The following RDH11 variants were observed in gnomAD, a reference collection of about 807,000 sequenced individuals.
RDH11 encodes the protein retinol dehydrogenase 11, also known as HCV core-binding protein HCBP12.
In RDH11, 19 loss-of-function variants were observed where a neutral mutation model predicts 33.4. That is an observed-to-expected ratio of 0.57 (90% CI 0.40 to 0.83). The LOEUF is 0.83. RDH11 is among the 40% of genes least tolerant of loss of function. The probability of loss-of-function intolerance (pLI) is 0.00; values close to 1 mark genes in which losing one functional copy is unlikely to be tolerated. For missense variants in RDH11, 353 were observed against 389.0 expected, an observed-to-expected ratio of 0.91 and a Z score of 0.78; for synonymous variants, 154 against 155.3, an observed-to-expected ratio of 0.99 and a Z score of 0.06.
intron 6 of RDH11, among the ~76,000 whole-genome samples, chr14:67,679,738 T>A (rs1382013574): frequency 6.6e-6 from 1 of 152,170 alleles, no homozygotes; most frequent in African/African-American, 2.4e-5. Context: ...ATAATTCCGA[T>A]GCAGAAAATT....
chr14:67,681,482 T>C (rs2037614725), intron 6 of RDH11, among the ~76,000 whole-genome samples: 1 of 152,144 alleles, frequency 6.6e-6, no homozygotes, highest in African/African-American at 2.4e-5. Flanking sequence ...CCTCATATCA[T>C]ATACAAAAAT....
At chr14:67,689,310 G>A (rs894139653) in intron 5 of RDH11, among the ~76,000 whole-genome samples, 3 of 152,208 alleles carry the variant, frequency 2.0e-5, no homozygotes, top group African/African-American at 7.2e-5. Flanking sequence ...CCTGCATTCT[G>A]CCTGCCTCAA....
At position 67,678,382 on chromosome 14, in the gene RDH11, T is replaced by C; in HGVS notation, c.896A>G (p.Glu299Gly). 6.2e-7 allele frequency: 1 copy of C among 1,614,062 alleles called. No homozygotes were observed. The highest frequency in any genetic ancestry group is 1.3e-5 in the African/African-American group (1 of 75,052). ...VAWVSAQARN[E>G]TIARRLWDVS... Reference sequence around the variant, plus strand: ...GTCCCACAGCCGCCTTGCTATAGTCTCATTACGAGCTTGGGCAGAGACCCA... The same window carrying C: ...GTCCCACAGCCGCCTTGCTATAGTCCCATTACGAGCTTGGGCAGAGACCCA... Residue 299 changes from glutamate (E) to glycine (G), a missense_variant, in exon 7 of 7, where the codon GAG becomes GGG. Coordinates refer to ENST00000381346, the MANE Select transcript of RDH11 (RefSeq NM_016026.4).
intron 6 of RDH11, among the ~76,000 whole-genome samples, chr14:67,680,624 A>T (rs1051907752): frequency 1.3e-5 from 2 of 152,044 alleles, no homozygotes; most frequent in Non-Finnish European, 2.9e-5. Context: ...ACGCCTGGCT[A>T]ATTTTTGCAT....
At position 67,691,147 on chromosome 14, in the gene RDH11, G is replaced by A; in HGVS notation, c.447C>T (p.Asn149=). The A allele has an allele frequency of 6.2e-7, 1 of 1,610,980 alleles. No individual in the cohort carries two copies. The highest frequency in any genetic ancestry group is 8.5e-7 in the Non-Finnish European group (1 of 1,177,170). Residue 149 remains asparagine, a synonymous_variant, in exon 4 of 7, where the codon AAC becomes AAT. Transcript: ENST00000381346. ...ADGFEMHIGV[N]HLGHFLLTHL... ...TAAGGCCAGATTTCTTACCCAAGTG[G>A]TTGACTCCTATGTGCATCTCAAAGC... is the stretch of plus-strand genomic sequence containing the variant.
At position 67,695,663 on chromosome 14, in the gene RDH11, G is replaced by C. The variant is rs1308094867; in HGVS notation, c.41C>G (p.Pro14Arg). 11 of 1,614,056 alleles carry C rather than the reference G, an allele frequency of 6.8e-6. No individual in the cohort carries two copies. Among genetic ancestry groups the C allele is most frequent in the Non-Finnish European group, 9.3e-6 (11 of 1,180,024 alleles). The change falls in exon 1 of 7, where the codon CCC becomes CGC. Residue 14 changes from proline (P) to arginine (R), a missense_variant. Coordinates refer to ENST00000381346, the MANE Select transcript of RDH11 (RefSeq NM_016026.4). ...LMFPLLLLLL[P>R]FLLYMAAPQI... Reference sequence around the variant, plus strand: ...GGGCGCAGCCATATACAGAAGGAAGGGCAGAAGGAGGAGCAACAGCGGGAA... The same window carrying C: ...GGGCGCAGCCATATACAGAAGGAAGCGCAGAAGGAGGAGCAACAGCGGGAA...
At chr14:67,682,845 T>A (rs1024453864) in intron 6 of RDH11, among the ~76,000 whole-genome samples, 1 of 152,348 alleles carries the variant, frequency 6.6e-6, no homozygotes, top group African/African-American at 2.4e-5. Context: ...CATCACCTGA[T>A]GAATGAATAA....
At chr14:67,684,410 A>G (rs980638325) in intron 6 of RDH11, 49 of 152,282 alleles carry the variant, frequency 3.2e-4, no homozygotes, top group African/African-American at 1.1e-3. Context: ...AGAATTGGCC[A>G]TGGGTTAATG....
chr14:67,685,181 C>T lies in RDH11; in HGVS notation c.688G>A (p.Val230Ile). Residue 230 changes from valine to isoleucine, a missense_variant, in exon 6 of 7, where the codon GTA (valine) becomes ATA (isoleucine). Val to Ile is a conservative substitution (Grantham distance 29, BLOSUM62 3). Coordinates refer to ENST00000381346, the MANE Select transcript of RDH11 (RefSeq NM_016026.4). ...LKGSGVTTYS[V>I]HPGTVQSELV... Reference sequence around the variant, plus strand: ...TCAGATTGGACTGTGCCAGGGTGTACAGAATACGTCGTAACGCCAGAGCCT... The same window carrying T: ...TCAGATTGGACTGTGCCAGGGTGTATAGAATACGTCGTAACGCCAGAGCCT... 3 of 1,613,340 alleles carry T rather than the reference C, an allele frequency of 1.9e-6. No homozygotes were observed. Among genetic ancestry groups the T allele is most frequent in the South Asian group, 2.2e-5 (2 of 90,922 alleles).
At chr14:67,680,616 G>A (rs983579468) in intron 6 of RDH11, among the ~76,000 whole-genome samples, 2 of 152,060 alleles carry the variant, frequency 1.3e-5, no homozygotes, top group South Asian at 2.1e-4. Context: ...ACGCCACCAC[G>A]CCTGGCTAAT....
chr14:67,692,777 T>C (rs1039662349), intron 2 of RDH11, 157 bp downstream of exon 2: 10 of 863,202 alleles, frequency 1.2e-5, no homozygotes, highest in Non-Finnish European at 1.8e-5. Context: ...GGGTCCATTA[T>C]ATGTAGAGCA....
rs1303574075 is a variant in RDH11, at chr14:67,676,982, AC to A, written c.*1338del. The A allele has an allele frequency of 6.6e-6, 1 of 152,248 alleles. No homozygotes were observed. The highest frequency in any genetic ancestry group is 1.5e-5 in the Non-Finnish European group (1 of 68,044). 9.4% of individuals were successfully genotyped at this position (152,248 alleles called of 1,614,324 possible). On this transcript the variant is annotated 3_prime_UTR_variant, in exon 7 of 7. Coordinates refer to ENST00000381346, the MANE Select transcript of RDH11 (RefSeq NM_016026.4). ...TTTTCCGTAAAATGACCATTTCTAA[AC>A]ATATAGCTTAATGGTCAAAACAAGT...
chr14:67,691,406 T>C, intron 3 of RDH11, 162 bp from the exon 4 acceptor site: 2 of 576,318 alleles, frequency 3.5e-6, no homozygotes, highest in Non-Finnish European at 6.2e-6. Context: ...TTTAAGACTT[T>C]AGTTGAATCC....
intron 5 of RDH11, chr14:67,686,093 A>G (rs10150303): frequency 0.97 from 147,609 of 152,218 alleles, 71,703 homozygotes; most frequent in East Asian, 1. Flanking sequence ...CATTTTGTCC[A>G]CAGTCCAAAC....
chr14:67,685,805 G>A (rs930196288), intron 5 of RDH11, among the ~76,000 whole-genome samples: 10 of 151,862 alleles, frequency 6.6e-5, no homozygotes, highest in African/African-American at 1.9e-4. Flanking sequence ...TAGTGGAGAC[G>A]GGATTTCATC....
intron 5 of RDH11, among the ~76,000 whole-genome samples, chr14:67,689,755 C>A (rs1011446633): frequency 6.6e-6 from 1 of 152,116 alleles, no homozygotes; most frequent in Non-Finnish European, 1.5e-5. Flanking sequence ...ACCACCCTGA[C>A]CAACATGGTG....
At chr14:67,694,834 C>T (rs1594854137) in intron 1 of RDH11, among the ~76,000 whole-genome samples, 1 of 152,110 alleles carries the variant, frequency 6.6e-6, no homozygotes, top group South Asian at 2.1e-4. Context: ...GGACTAAGAC[C>T]GCCCACCTGG....
Position 67,676,821 on chromosome 14 carries a change from T to C in RDH11, c.*1500A>G, listed in dbSNP as rs931377540. The C allele has an allele frequency of 2.0e-5, 3 of 152,224 alleles. No individual in the cohort carries two copies. The highest frequency in any genetic ancestry group is 7.2e-5 in the African/African-American group (3 of 41,470). The allele number at this position is 152,224 out of a possible 1,614,324, so 9.4% of individuals were successfully genotyped here. ...CTTCTTTTGACTGTAATCAAACTTT[T>C]AATTCTTAGTTTTTATTCTGGTAAA... is the stretch of plus-strand genomic sequence containing the variant. On this transcript the variant is annotated 3_prime_UTR_variant, in exon 7 of 7. Coordinates refer to ENST00000381346, the MANE Select transcript of RDH11 (RefSeq NM_016026.4).
At chr14:67,688,584 A>C (rs1028976597) in intron 5 of RDH11, among the ~76,000 whole-genome samples, 7 of 150,416 alleles carry the variant, frequency 4.7e-5, no homozygotes, top group African/African-American at 1.7e-4. Context: ...ACATACTTCC[A>C]TATGCTTTGA....
Sources: allele counts gnomAD v4.1 joint callset (sites outside exome capture counted in the v4.1 genomes callset), GRCh38; gene constraint gnomAD v4.1.1; transcripts MANE v1.5; gene names NCBI Gene and HGNC (gene_info 2026-07-23, HGNC 2026-07-21).